The following THSD7A variants were observed in gnomAD, a reference collection of about 807,000 sequenced individuals.
THSD7A encodes the protein thrombospondin type-1 domain-containing protein 7A.
In THSD7A, 96 loss-of-function variants were observed where a neutral mutation model predicts 231.3. That is an observed-to-expected ratio of 0.41 (90% CI 0.35 to 0.49). The LOEUF (loss-of-function observed/expected upper bound fraction) is 0.49, where lower values mean the gene tolerates loss of function less well. Ranked by LOEUF, THSD7A falls within the 20% of genes least tolerant of loss-of-function variation. The pLI, the probability that THSD7A is intolerant of heterozygous loss-of-function variation, is 0.05. For missense variants in THSD7A, 2,290 were observed against 2,070.2 expected, an observed-to-expected ratio of 1.11 and a Z score of -2.06; for synonymous variants, 940 against 743.3, an observed-to-expected ratio of 1.26 and a Z score of -4.30.
rs564450368 is a variant in THSD7A at position 11,411,364 on chromosome 7, G to T, written c.3683-42C>A. The T allele has an allele frequency of 1.5e-6, 2 of 1,373,010 alleles. No homozygotes were observed. Among genetic ancestry groups the T allele is most frequent in the Admixed American group, 3.8e-5 (2 of 52,790 alleles). 85.1% of individuals were successfully genotyped at this position (1,373,010 alleles called of 1,614,324 possible). A position where few individuals can be genotyped will look rare whatever the true frequency, so the allele number is the denominator to read the frequency against. On this transcript the variant is annotated intron_variant, in intron 18 of 27. Transcript: ENST00000423059. The surrounding 1 kb of genome is among the most constrained non-coding windows in gnomAD (Gnocchi z 4.1). ...CCCATCAGAACAGAAGGCTAAGTAA[G>T]AAACAGATTTCAAATGAAACTCTGA...
intron 6 of THSD7A, among the ~76,000 whole-genome samples, chr7:11,524,611 T>C (rs1788397483): frequency 6.6e-6 from 1 of 152,138 alleles, no homozygotes; most frequent in African/African-American, 2.4e-5. Context: ...TATATGTGGC[T>C]AGCCAGCCGG....
chr7:11,574,688 G>A (rs960525229), intron 4 of THSD7A, among the ~76,000 whole-genome samples: 5 of 151,076 alleles, frequency 3.3e-5, no homozygotes, highest in East Asian at 3.9e-4. Flanking sequence ...CGCCCACCTC[G>A]GCCTCCCAAA....
At chr7:11,500,257 C>G (rs1004418374) in intron 6 of THSD7A, among the ~76,000 whole-genome samples, 1 of 152,118 alleles carries the variant, frequency 6.6e-6, no homozygotes, top group African/African-American at 2.4e-5. Context: ...AAATAAGATG[C>G]TTTTCAGATA....
At chr7:11,736,678 ACC>A (rs751262885) in intron 1 of THSD7A, among the ~76,000 whole-genome samples, 46 of 152,126 alleles carry the variant, frequency 3.0e-4, no homozygotes, top group Admixed American at 1.4e-3. Context: ...GGCTAAGCAT[ACC>A]CTTGTATCCT....
chr7:11,803,154 C>T (rs1442374327), intron 1 of THSD7A, among the ~76,000 whole-genome samples: 1 of 152,132 alleles, frequency 6.6e-6, no homozygotes, highest in African/African-American at 2.4e-5. Context: ...ACTTTTTCAA[C>T]AGGCAGCAGC....
At chr7:11,416,445 G>A (rs537534187) in intron 17 of THSD7A, among the ~76,000 whole-genome samples, 2 of 152,302 alleles carry the variant, frequency 1.3e-5, no homozygotes, top group South Asian at 4.1e-4. Context: ...CTTCAAATCT[G>A]ATCCTTTGAA....
chr7:11,592,637 C>CA (rs1254523187), intron 3 of THSD7A, among the ~76,000 whole-genome samples: 12 of 152,048 alleles, frequency 7.9e-5, no homozygotes, highest in Admixed American at 7.9e-4. Flanking sequence ...AGCAAACAAG[C>CA]AAAAAACCCA....
rs777972072 is a variant in THSD7A, at chr7:11,496,070, T to A, written c.1823-14088A>T. ...GAAATGCTATGCTTATATGTGACTA[T>A]AATGTTCCTGAATTCTAATCTGAAA... On this transcript the variant is annotated intron_variant, in intron 6 of 27. Transcript: ENST00000423059. Among the ~76,000 whole-genome samples, 102 of 152,186 alleles carry A rather than the reference T, an allele frequency of 6.7e-4. 1 individual carries two copies. Among genetic ancestry groups the A allele is most frequent in the Non-Finnish European group, 2.1e-4 (14 of 68,028 alleles).
intron 1 of THSD7A, among the ~76,000 whole-genome samples, chr7:11,760,946 TTTATAAA>T (rs1385319024): frequency 2.0e-5 from 3 of 148,670 alleles, no homozygotes; most frequent in Non-Finnish European, 4.5e-5. Context: ...GGCTATAATA[TTTATAAA>T]TTATAAATTA....
chr7:11,564,832 T>C (rs886895019), intron 4 of THSD7A, among the ~76,000 whole-genome samples: 1 of 152,218 alleles, frequency 6.6e-6, no homozygotes, highest in South Asian at 2.1e-4. Context: ...AATAAACATA[T>C]GTCAGATAAT....
intron 27 of THSD7A, 84 bp downstream of exon 27, chr7:11,376,486 A>G: frequency 4.9e-6 from 5 of 1,030,000 alleles, no homozygotes; most frequent in South Asian, 4.8e-5. Flanking sequence ...AGATAAATGT[A>G]GAGTACTTAT....
In THSD7A at chr7:11,370,523, C is replaced by A. The variant is rs921514204; in HGVS notation, c.*5271G>T. Reference sequence around the variant, plus strand: ...TATGAAAATGTAAAAAAGCATATTACATCTTCACATGCCATCTGTATTGAC... The same window carrying A: ...TATGAAAATGTAAAAAAGCATATTAAATCTTCACATGCCATCTGTATTGAC... On this transcript the variant is annotated 3_prime_UTR_variant, in exon 28 of 28. Coordinates refer to ENST00000423059, the MANE Select transcript of THSD7A (RefSeq NM_015204.3). 6.6e-6 allele frequency: 1 copy of A among 152,112 alleles called. No homozygotes were observed. Among genetic ancestry groups the A allele is most frequent in the Non-Finnish European group, 1.5e-5 (1 of 68,024 alleles). 9.4% of individuals were successfully genotyped at this position (152,112 alleles called of 1,614,324 possible). A position where few individuals can be genotyped will look rare whatever the true frequency, so the allele number is the denominator to read the frequency against.
At chr7:11,621,958 T>C (rs1327704901) in intron 2 of THSD7A, among the ~76,000 whole-genome samples, 1 of 152,094 alleles carries the variant, frequency 6.6e-6, no homozygotes, top group Non-Finnish European at 1.5e-5. Context: ...ATAAGGACAG[T>C]CTTATTTTGT....
At chr7:11,571,775 T>C (rs916769380) in intron 4 of THSD7A, among the ~76,000 whole-genome samples, 3 of 152,208 alleles carry the variant, frequency 2.0e-5, no homozygotes, top group Non-Finnish European at 4.4e-5. Flanking sequence ...CCTCGTTCGT[T>C]ATCTTTATTC....
At chr7:11,563,758 A>G (rs1790177991) in intron 4 of THSD7A, among the ~76,000 whole-genome samples, 1 of 152,162 alleles carries the variant, frequency 6.6e-6, no homozygotes, top group African/African-American at 2.4e-5. Flanking sequence ...TTCATTTTCT[A>G]TATCATAATC....
chr7:11,614,850 G>C (rs1361444442), intron 2 of THSD7A, among the ~76,000 whole-genome samples: 1 of 152,114 alleles, frequency 6.6e-6, no homozygotes, highest in Non-Finnish European at 1.5e-5. Context: ...ACATCAAGAA[G>C]AGATGAAGTG....
intron 13 of THSD7A, among the ~76,000 whole-genome samples, chr7:11,442,674 C>A (rs966904069): frequency 1.3e-5 from 2 of 152,008 alleles, no homozygotes; most frequent in African/African-American, 4.8e-5. Flanking sequence ...TTAAGGAAAG[C>A]AGGAATTCCC....
At position 11,474,397 on chromosome 7, in the gene THSD7A, A is replaced by G. The variant is rs756820074; in HGVS notation, c.2189T>C (p.Val730Ala). The G allele has an allele frequency of 2.5e-6, 4 of 1,613,542 alleles. No individual in the cohort carries two copies. The highest frequency in any genetic ancestry group is 2.2e-5 in the East Asian group (1 of 44,850). ...GATGACTTTTCTTGTCTGCATGCCG[A>G]CAGAGCAGGAGGCCTCCCCATTCCA... ...TTWNGEASCS[V>A]GMQTRKVICV... The change falls in exon 8 of 28, where the codon GTC becomes GCC. Residue 730 changes from valine (V) to alanine (A), a missense_variant. Physicochemically the swap from Val to Ala is moderately conservative, Grantham distance 64 (BLOSUM62 0). Coordinates refer to ENST00000423059, the MANE Select transcript of THSD7A (RefSeq NM_015204.3). This position sits in a 1 kb window ranked among gnomAD's most constrained non-coding sequence, Gnocchi z 4.1.
rs781113984 is a variant in THSD7A at position 11,446,263 on chromosome 7, C to A, written c.2862G>T (p.Gln954His). 6.2e-7 allele frequency: 1 copy of A among 1,613,438 alleles called. No homozygotes were observed. The highest frequency in any genetic ancestry group is 1.7e-5 in the Admixed American group (1 of 59,938). The change falls in exon 13 of 28, where the codon CAG becomes CAT. Residue 954 changes from glutamine (Q) to histidine (H), a missense_variant. Gln to His is a conservative substitution (Grantham distance 24). Transcript: ENST00000423059. This position sits in a 1 kb window ranked among gnomAD's most constrained non-coding sequence, Gnocchi z 4.0. ...NSHLYPLIET[Q>H]YCPCDKYNAQ... Reference sequence around the variant, plus strand: ...CATTATATTTGTCACAAGGACAATACTGAGTCTCAATCAGGGGATACAAAT... The same window carrying A: ...CATTATATTTGTCACAAGGACAATAATGAGTCTCAATCAGGGGATACAAAT...
Sources: gnomAD v4.1 joint callset for allele counts (sites outside exome capture counted in the v4.1 genomes callset) on GRCh38, gnomAD v4.1.1 for gene constraint, Gnocchi (gnomAD v3.1) non-coding constraint, MANE v1.5 for transcripts, NCBI Gene and HGNC (gene_info 2026-07-23, HGNC 2026-07-21) for gene names.